CCSER2: variants seen among roughly 807,000 people sequenced by gnomAD.
CCSER2 encodes the protein serine-rich coiled-coil domain-containing protein 2.
CCSER2 carries 46 observed loss-of-function variants against 92.3 expected under a neutral mutation model. The ratio of observed to expected loss-of-function variants is 0.50; its 90% confidence interval spans 0.39 to 0.64. The LOEUF is 0.64. Ranked by LOEUF, CCSER2 falls within the 30% of genes least tolerant of loss-of-function variation. The pLI is 0.00. For synonymous variants in CCSER2, 433 were observed against 431.4 expected (o/e 1.00, Z -0.04); for missense variants, 1,244 against 1,238.9 (o/e 1.00, Z -0.06).
At chr10:84,510,875 C>G (rs149712740) in intron 9 of CCSER2, among the ~76,000 whole-genome samples, 2 of 152,122 alleles carry the variant, frequency 1.3e-5, no homozygotes, top group Non-Finnish European at 2.9e-5. Context: ...TTCCTTGTTC[C>G]TCACATTATA....
chr10:84,438,901 A>G (rs1216459736), intron 6 of CCSER2, among the ~76,000 whole-genome samples, 194 bp downstream of exon 6: 1 of 152,198 alleles, frequency 6.6e-6, no homozygotes, highest in Non-Finnish European at 1.5e-5. Flanking sequence ...GTCTCATTAC[A>G]CAGTCCCTGG....
chr10:84,509,040 A>G (rs1040354815), intron 9 of CCSER2, among the ~76,000 whole-genome samples: 7 of 152,346 alleles, frequency 4.6e-5, no homozygotes, highest in African/African-American at 1.2e-4. Flanking sequence ...TTAAAAGGTC[A>G]TTATGAGAGG....
At chr10:84,457,341 A>ATAATATATAATATAT (rs1564685226) in intron 6 of CCSER2, among the ~76,000 whole-genome samples, 5 of 60,764 alleles carry the variant, frequency 8.2e-5, no homozygotes, top group East Asian at 5.8e-4. Context: ...TATATTATAT[A>ATAATATATAATATAT]TTATATATAA....
intron 9 of CCSER2, chr10:84,500,044 C>A (rs1480616673): frequency 6.3e-7 from 1 of 1,594,052 alleles, no homozygotes. Context: ...CTCCCCAGCA[C>A]CTCCTTTTCT....
chr10:84,369,282 G>A (rs187044148), intron 1 of CCSER2, among the ~76,000 whole-genome samples: 59 of 152,052 alleles, frequency 3.9e-4, no homozygotes, highest in African/African-American at 1.3e-3. Context: ...ATTACCACCA[G>A]CAGTACCTAA....
chr10:84,412,321 G>A (rs1564638500), intron 3 of CCSER2, among the ~76,000 whole-genome samples: 1 of 152,076 alleles, frequency 6.6e-6, no homozygotes, highest in Non-Finnish European at 1.5e-5. Flanking sequence ...AGTTAGGGAG[G>A]AGTCCCTCCT....
intron 6 of CCSER2, among the ~76,000 whole-genome samples, chr10:84,457,662 TTAA>T (rs1368919066): frequency 7.0e-4 from 81 of 115,454 alleles, no homozygotes; most frequent in African/African-American, 2.5e-3. Flanking sequence ...TATATTATTT[TTAA>T]TTTTAGTTAT....
intron 3 of CCSER2, among the ~76,000 whole-genome samples, chr10:84,403,184 G>GA (rs1163582270): frequency 5.4e-3 from 1 of 186 alleles, no homozygotes; most frequent in Non-Finnish European, 0.028. Context: ...TTTTGAAAAA[G>GA]GTTAGAGGCA....
chr10:84,366,393 AT>A (rs1266394716), intron 1 of CCSER2, among the ~76,000 whole-genome samples: 1 of 152,218 alleles, frequency 6.6e-6, no homozygotes, highest in Non-Finnish European at 1.5e-5. Context: ...GATCTATTAA[AT>A]TTGTAGTCCT....
chr10:84,413,523 C>G (rs180677407), intron 3 of CCSER2, among the ~76,000 whole-genome samples: 5 of 152,214 alleles, frequency 3.3e-5, no homozygotes, highest in African/African-American at 1.2e-4. Flanking sequence ...GTTATGATTT[C>G]AGTTCTTTTG....
At chr10:84,511,069 T>C (rs571070173) in intron 9 of CCSER2, among the ~76,000 whole-genome samples, 72 of 152,336 alleles carry the variant, frequency 4.7e-4, no homozygotes, top group Non-Finnish European at 8.2e-4. Flanking sequence ...TAGAAACCAC[T>C]GATTTAGTTA....
chr10:84,411,280 T>C (rs535462098), intron 3 of CCSER2, among the ~76,000 whole-genome samples: 46 of 152,298 alleles, frequency 3.0e-4, no homozygotes, highest in African/African-American at 1.1e-3. Flanking sequence ...CTTGGCTGTT[T>C]GGGCTCTTTT....
intron 1 of CCSER2, among the ~76,000 whole-genome samples, chr10:84,346,216 C>T (rs938734484): frequency 4.6e-5 from 7 of 152,064 alleles, no homozygotes; most frequent in Non-Finnish European, 1.0e-4. Flanking sequence ...AGGCATGCAC[C>T]ACCTCGCCTG....
intron 7 of CCSER2, among the ~76,000 whole-genome samples, chr10:84,468,740 A>G (rs1362035455): frequency 6.6e-6 from 1 of 151,024 alleles, no homozygotes; most frequent in African/African-American, 2.4e-5. Context: ...TAACTTTCAG[A>G]TAACACCTTG....
intron 3 of CCSER2, among the ~76,000 whole-genome samples, chr10:84,410,689 A>G (rs898556436): frequency 2.6e-5 from 4 of 152,186 alleles, no homozygotes; most frequent in Non-Finnish European, 2.9e-5. Flanking sequence ...GATAGATTGC[A>G]AAAATTTTTC....
chr10:84,462,195 A>G (rs1309127519), intron 6 of CCSER2, among the ~76,000 whole-genome samples: 1 of 152,230 alleles, frequency 6.6e-6, no homozygotes, highest in Non-Finnish European at 1.5e-5. Flanking sequence ...TTATGGAGCT[A>G]CTTTACTCAG....
chr10:84,457,280 T>TATATATAATATATTATATATA (rs1415390989), intron 6 of CCSER2, among the ~76,000 whole-genome samples: 65 of 18,280 alleles, frequency 3.6e-3, no homozygotes, highest in Non-Finnish European at 4.2e-3. Flanking sequence ...TATAATATAT[T>TATATATAATATATTATATATA]ATATATTATA....
intron 8 of CCSER2, among the ~76,000 whole-genome samples, chr10:84,470,718 A>G (rs897423287): frequency 1.7e-4 from 26 of 152,182 alleles, no homozygotes; most frequent in African/African-American, 6.3e-4. Context: ...ATTTACATTC[A>G]TTTTGTTGAT....
intron 7 of CCSER2, among the ~76,000 whole-genome samples, chr10:84,468,984 T>TA (rs1386448513): frequency 1.3e-5 from 2 of 152,208 alleles, no homozygotes; most frequent in African/African-American, 4.8e-5. Flanking sequence ...TTCAACAAGT[T>TA]AAATACAACA....
Sources: allele counts gnomAD v4.1 joint callset (sites outside exome capture counted in the v4.1 genomes callset), GRCh38; gene constraint gnomAD v4.1.1; transcripts MANE v1.5; gene names NCBI Gene and HGNC (gene_info 2026-07-23, HGNC 2026-07-21).